The following RALGAPA2 variants were observed in gnomAD, a reference collection of about 807,000 sequenced individuals.
RALGAPA2 encodes ral GTPase-activating protein subunit alpha-2.
Under a neutral mutation model 230.4 loss-of-function variants are expected in RALGAPA2, and 139 were observed. The ratio of observed to expected loss-of-function variants is 0.60; its 90% confidence interval spans 0.53 to 0.69. The LOEUF (loss-of-function observed/expected upper bound fraction) is 0.69, where lower values mean the gene tolerates loss of function less well. RALGAPA2 is among the 30% of genes least tolerant of loss of function. RALGAPA2 has a pLI of 0.00. For synonymous variants in RALGAPA2, 847 were observed against 837.8 expected (o/e 1.01, Z -0.19); for missense variants, 2,163 against 2,276.0 (o/e 0.95, Z 1.01).
At chr20:20,405,438 T>C (rs956570004) in intron 38 of RALGAPA2, among the ~76,000 whole-genome samples, 1 of 152,178 alleles carries the variant, frequency 6.6e-6, no homozygotes, top group Non-Finnish European at 1.5e-5. Context: ...TCCTGCTCAG[T>C]GGCAGCCTCC....
At chr20:20,448,759 A>G (rs979339905) in intron 37 of RALGAPA2, among the ~76,000 whole-genome samples, 3 of 152,160 alleles carry the variant, frequency 2.0e-5, no homozygotes, top group Non-Finnish European at 4.4e-5. Context: ...GAAAGAAAAT[A>G]TAGCTTTAAA....
rs145850360 is a variant in RALGAPA2, at chr20:20,401,770, TG to T, written c.5618-5037del. 2.3e-3 allele frequency among the ~76,000 whole-genome samples: 346 copies of T among 152,312 alleles called. 1 individual carries two copies. The highest frequency in any genetic ancestry group is 7.5e-3 in the African/African-American group (311 of 41,560). On this transcript the variant is annotated intron_variant, in intron 38 of 39. Transcript: ENST00000202677. The stretch of plus-strand genomic sequence containing the variant: ...GTCTGGTAGTTTTACCGATAAAAAC[TG>T]TCTTGTCCCCAGAAAGGAATTTTGG...
Position 20,511,206 on chromosome 20 carries a change from T to C in RALGAPA2, c.4928+48A>G, listed in dbSNP as rs115855880. ...TGCTGTTGTATCTGTTATCCAAGAATACCCAAAGACAAACAGGAAAAAAGT... is the reference window on the plus strand; with the variant it reads ...TGCTGTTGTATCTGTTATCCAAGAACACCCAAAGACAAACAGGAAAAAAGT... On this transcript the variant is annotated intron_variant, in intron 33 of 39. Coordinates refer to ENST00000202677, the MANE Select transcript of RALGAPA2 (RefSeq NM_020343.4). 3 of 1,543,484 alleles carry C rather than the reference T, an allele frequency of 1.9e-6. No homozygotes were observed. In the African/African-American group the frequency reaches 4.1e-5, roughly 21 times the overall value.
chr20:20,705,561 T>C (rs1429568138), intron 1 of RALGAPA2, among the ~76,000 whole-genome samples: 2 of 152,230 alleles, frequency 1.3e-5, no homozygotes, highest in Non-Finnish European at 2.9e-5. Flanking sequence ...TTCGTTATTC[T>C]TAATTTCACA....
At chr20:20,401,173 G>A (rs949121726) in intron 38 of RALGAPA2, among the ~76,000 whole-genome samples, 1 of 152,196 alleles carries the variant, frequency 6.6e-6, no homozygotes, top group Non-Finnish European at 1.5e-5. Context: ...GAACTGCACA[G>A]TATGTGAATT....
In RALGAPA2 at chr20:20,659,134, G is replaced by A. The variant is rs77065845; in HGVS notation, c.271-5547C>T. On this transcript the variant is annotated intron_variant, in intron 3 of 39. Transcript: ENST00000202677. Reference sequence around the variant, plus strand: ...ACTTGACCTTTTGAATAATAAATATGCAGAAAACTTATGATGAGAACTGGA... The same window carrying A: ...ACTTGACCTTTTGAATAATAAATATACAGAAAACTTATGATGAGAACTGGA... Among the ~76,000 whole-genome samples, 163 of 152,278 alleles carry A rather than the reference G, an allele frequency of 1.1e-3. 1 individual carries two copies. The highest frequency in any genetic ancestry group is 3.8e-3 in the African/African-American group (160 of 41,560).
At chr20:20,422,887 G>A (rs2122877746) in intron 37 of RALGAPA2, among the ~76,000 whole-genome samples, 2 of 152,334 alleles carry the variant, frequency 1.3e-5, no homozygotes, top group South Asian at 4.1e-4. Flanking sequence ...GGTGGGTGGA[G>A]CGATTCATGG....
chr20:20,511,174 T>C, intron 33 of RALGAPA2, 80 bp downstream of exon 33: 1 of 1,526,478 alleles, frequency 6.6e-7, no homozygotes, highest in South Asian at 1.3e-5. Flanking sequence ...GTAAGTCTAT[T>C]CATTCCTGCT....
chr20:20,608,815 G>A (rs1603046856), intron 14 of RALGAPA2, among the ~76,000 whole-genome samples: 1 of 152,130 alleles, frequency 6.6e-6, no homozygotes, highest in Non-Finnish European at 1.5e-5. Flanking sequence ...TGATTCTCAT[G>A]ACAACCCTGC....
intron 24 of RALGAPA2, among the ~76,000 whole-genome samples, chr20:20,544,178 T>C (rs1023609165): frequency 1.1e-4 from 16 of 151,964 alleles, no homozygotes; most frequent in African/African-American, 3.6e-4. Context: ...TCCCAGCACT[T>C]TGGGAGGCCC....
At chr20:20,662,652 T>C (rs2067821847) in intron 3 of RALGAPA2, among the ~76,000 whole-genome samples, 1 of 152,198 alleles carries the variant, frequency 6.6e-6, no homozygotes, top group Non-Finnish European at 1.5e-5. Context: ...AACATTTATT[T>C]AATTCATTAA....
intron 4 of RALGAPA2, among the ~76,000 whole-genome samples, chr20:20,652,448 C>T (rs2067432294): frequency 6.6e-6 from 1 of 152,174 alleles, no homozygotes; most frequent in East Asian, 1.9e-4. Flanking sequence ...TTTTTCTCAT[C>T]TATCCCCTGA....
intron 33 of RALGAPA2, among the ~76,000 whole-genome samples, chr20:20,510,066 C>T (rs1035840674): frequency 4.6e-5 from 7 of 152,030 alleles, no homozygotes; most frequent in Admixed American, 2.0e-4. Context: ...CTTTGGGTTT[C>T]GATCAAAACT....
intron 7 of RALGAPA2, among the ~76,000 whole-genome samples, chr20:20,638,846 A>G (rs1048021249): frequency 1.3e-5 from 2 of 152,246 alleles, no homozygotes; most frequent in African/African-American, 4.8e-5. Flanking sequence ...AAAATTGCTA[A>G]GTATTCAGAA....
intron 23 of RALGAPA2, among the ~76,000 whole-genome samples, chr20:20,561,526 G>A (rs1168108280): frequency 6.6e-6 from 1 of 152,154 alleles, no homozygotes; most frequent in Non-Finnish European, 1.5e-5. Flanking sequence ...GAATTAATCA[G>A]AACGTTCCAT....
chr20:20,450,699 C>T (rs1352300313), intron 37 of RALGAPA2, among the ~76,000 whole-genome samples: 1 of 152,018 alleles, frequency 6.6e-6, no homozygotes, highest in Non-Finnish European at 1.5e-5. Context: ...GGGTTGTCGC[C>T]AAGAGTGAGA....
chr20:20,458,279 A>C (rs2061170395), intron 37 of RALGAPA2, among the ~76,000 whole-genome samples: 1 of 151,758 alleles, frequency 6.6e-6, no homozygotes, highest in South Asian at 2.1e-4. Context: ...TGTTTTCAGA[A>C]AGCACTCATA....
At chr20:20,410,364 T>C (rs1376968150) in intron 38 of RALGAPA2, among the ~76,000 whole-genome samples, 1 of 152,222 alleles carries the variant, frequency 6.6e-6, no homozygotes, top group African/African-American at 2.4e-5. Flanking sequence ...AGTTAAGGAA[T>C]GAAAACATCT....
intron 38 of RALGAPA2, among the ~76,000 whole-genome samples, chr20:20,402,539 G>A (rs1157530767): frequency 6.6e-6 from 1 of 152,214 alleles, no homozygotes; most frequent in Non-Finnish European, 1.5e-5. Flanking sequence ...GCCTGTCTGG[G>A]CAATCCAGGA....
Sources: gnomAD v4.1 joint callset for allele counts (sites outside exome capture counted in the v4.1 genomes callset) on GRCh38, gnomAD v4.1.1 for gene constraint, MANE v1.5 for transcripts, NCBI Gene and HGNC (gene_info 2026-07-23, HGNC 2026-07-21) for gene names.